ROBO2: variants seen among roughly 807,000 people sequenced by gnomAD.
ROBO2 encodes the protein roundabout homolog 2.
In ROBO2, 53 loss-of-function variants were observed where a neutral mutation model predicts 160.8. That is an observed-to-expected ratio of 0.33 (90% confidence interval 0.26 to 0.41). ROBO2 has a LOEUF of 0.41. Among genes scored for constraint, ROBO2 ranks in the 10% least tolerant of loss-of-function variants. ROBO2 has a pLI of 1.00. For missense variants in ROBO2, 1,577 were observed against 1,722.4 expected (o/e 0.92, Z 1.49); for synonymous variants, 664 against 611.7 (o/e 1.09, Z -1.26).
chr3:76,682,952 G>C (rs1193406690), intron 2 of ROBO2, among the ~76,000 whole-genome samples: 2 of 152,036 alleles, frequency 1.3e-5, no homozygotes, highest in African/African-American at 4.8e-5. Context: ...TTTGAGAACC[G>C]TTAGTACAAA....
At chr3:76,492,108 C>A (rs184652756) in intron 2 of ROBO2, among the ~76,000 whole-genome samples, 1 of 151,784 alleles carries the variant, frequency 6.6e-6, no homozygotes, top group East Asian at 1.9e-4. Context: ...CAGAGCAAGA[C>A]GCCATCTCAA....
intron 2 of ROBO2, among the ~76,000 whole-genome samples, chr3:75,964,651 A>T (rs1482332135): frequency 1.3e-5 from 2 of 151,600 alleles, no homozygotes; most frequent in Non-Finnish European, 3.0e-5. Flanking sequence ...GAACATCCCT[A>T]TTTTACCAAG....
chr3:76,610,339 G>A (rs558970572), intron 2 of ROBO2, among the ~76,000 whole-genome samples: 1 of 152,286 alleles, frequency 6.6e-6, no homozygotes, highest in African/African-American at 2.4e-5. Flanking sequence ...CAGCCAGGCA[G>A]GCCTCTCTTG....
At chr3:76,099,920 A>G (rs2069612305) in intron 2 of ROBO2, among the ~76,000 whole-genome samples, 1 of 152,284 alleles carries the variant, frequency 6.6e-6, no homozygotes, top group South Asian at 2.1e-4. Flanking sequence ...ATTTTCAGCA[A>G]TCTTCTCAGA....
Position 76,764,878 on chromosome 3 carries a change from T to C in ROBO2, c.110-333136T>C, listed in dbSNP as rs979202667. ...TGCATATATATTTTGCCTTTCTTGATAGACTTGCTGGCAAGTTTTAATTTT... is the reference window on the plus strand; with the variant it reads ...TGCATATATATTTTGCCTTTCTTGACAGACTTGCTGGCAAGTTTTAATTTT... On this transcript the variant is annotated intron_variant, in intron 2 of 26. Transcript: ENST00000487694. 3.3e-5 allele frequency among the ~76,000 whole-genome samples: 5 copies of C among 151,750 alleles called. No homozygotes were observed. The South Asian group carries it at 1.0e-3, about 31-fold the overall frequency.
intron 2 of ROBO2, among the ~76,000 whole-genome samples, chr3:76,188,814 A>G (rs1329950842): frequency 6.6e-6 from 1 of 152,030 alleles, no homozygotes; most frequent in African/African-American, 2.4e-5. Flanking sequence ...CATATCTCCA[A>G]CTTTCTGCCT....
At chr3:76,795,601 C>T (rs1204686859) in intron 2 of ROBO2, among the ~76,000 whole-genome samples, 1 of 152,114 alleles carries the variant, frequency 6.6e-6, no homozygotes, top group East Asian at 1.9e-4. Flanking sequence ...GGCTCTACTT[C>T]CAACTGTAGT....
chr3:76,316,167 G>C (rs1286571886), intron 2 of ROBO2, among the ~76,000 whole-genome samples: 1 of 152,090 alleles, frequency 6.6e-6, no homozygotes, highest in South Asian at 2.1e-4. Context: ...CAGGAAACAG[G>C]GTTCGAGAGC....
At chr3:77,133,420 G>A (rs181357429) in intron 2 of ROBO2, among the ~76,000 whole-genome samples, 137 of 151,848 alleles carry the variant, frequency 9.0e-4, no homozygotes, top group African/African-American at 3.2e-3. Context: ...TTTCACTCAG[G>A]GAAATCAAAT....
At chr3:77,124,764 T>C (rs986108364) in intron 2 of ROBO2, among the ~76,000 whole-genome samples, 1 of 152,064 alleles carries the variant, frequency 6.6e-6, no homozygotes, top group Non-Finnish European at 1.5e-5. Flanking sequence ...TTAGTTCCAA[T>C]TAAAAGTAAC....
At chr3:76,998,434 A>T (rs951229438) in intron 2 of ROBO2, among the ~76,000 whole-genome samples, 1 of 152,206 alleles carries the variant, frequency 6.6e-6, no homozygotes, top group African/African-American at 2.4e-5. Flanking sequence ...GTCTCAGGTC[A>T]TATTCACAAT....
At chr3:76,452,462 A>G (rs2077526793) in intron 2 of ROBO2, among the ~76,000 whole-genome samples, 1 of 152,086 alleles carries the variant, frequency 6.6e-6, no homozygotes, top group Non-Finnish European at 1.5e-5. Context: ...ACTGAGAATG[A>G]TGATTTCCAA....
intron 2 of ROBO2, among the ~76,000 whole-genome samples, chr3:77,401,804 A>G (rs528415880): frequency 4.3e-4 from 66 of 152,256 alleles, no homozygotes; most frequent in Middle Eastern, 6.8e-3. Flanking sequence ...GCTGGGTCAA[A>G]TGGTATTTAT....
chr3:77,008,347 G>GT (rs879614056), intron 2 of ROBO2, among the ~76,000 whole-genome samples: 68 of 152,180 alleles, frequency 4.5e-4, no homozygotes, highest in Non-Finnish European at 7.2e-4. Context: ...AAAAATGTTG[G>GT]TTTTTTCTAA....
At chr3:77,100,453 G>T (rs896055286) in intron 2 of ROBO2, among the ~76,000 whole-genome samples, 2 of 151,862 alleles carry the variant, frequency 1.3e-5, no homozygotes, top group Non-Finnish European at 2.9e-5. Context: ...GGAAATTTGG[G>T]TTAAAGCATT....
intron 2 of ROBO2, among the ~76,000 whole-genome samples, chr3:76,874,905 A>G (rs1431687158): frequency 6.6e-6 from 1 of 152,196 alleles, no homozygotes; most frequent in Admixed American, 6.5e-5. Flanking sequence ...GAGATATGAT[A>G]TATGTAACGG....
At chr3:77,359,112 A>G (rs1381358941) in intron 2 of ROBO2, among the ~76,000 whole-genome samples, 2 of 152,234 alleles carry the variant, frequency 1.3e-5, no homozygotes, top group Admixed American at 1.3e-4. Context: ...ATGCATGAGT[A>G]TCTAAATAGG....
At chr3:76,980,784 A>G (rs1010923238) in intron 2 of ROBO2, among the ~76,000 whole-genome samples, 4 of 152,140 alleles carry the variant, frequency 2.6e-5, no homozygotes, top group African/African-American at 9.7e-5. Flanking sequence ...AAAATTTACC[A>G]CAATTGTAGA....
rs573222633 is a variant in ROBO2, at chr3:75,931,037, C to T, written c.-13-6444C>T. ...TACTTGGACTAAGACCTATGTTCCT[C>T]ATCATTGCTAATGAAGACCTGTACA... On this transcript the variant is annotated intron_variant, in intron 1 of 26. Coordinates refer to the ROBO2 transcript ENST00000487694. Among the ~76,000 whole-genome samples the T allele has an allele frequency of 3.3e-5, 5 of 152,310 alleles. No homozygotes were observed. In the South Asian group the frequency reaches 1.0e-3, roughly 32 times the overall value.
Sources: allele counts gnomAD v4.1 joint callset (sites outside exome capture counted in the v4.1 genomes callset), GRCh38; gene constraint gnomAD v4.1.1; transcripts MANE v1.5; gene names NCBI Gene and HGNC (gene_info 2026-07-23, HGNC 2026-07-21).